Variants in DERA observed in about 807,000 individuals in gnomAD.
DERA encodes 2-deoxy-D-ribose 5-phosphate aldolase.
In DERA, 15 loss-of-function variants were observed where a neutral mutation model predicts 41.1. The ratio of observed to expected loss-of-function variants is 0.37; its 90% CI spans 0.24 to 0.56. The LOEUF is 0.56. Among genes scored for constraint, DERA ranks in the 20% least tolerant of loss-of-function variants. DERA has a pLI of 0.81. For missense variants in DERA, 396 were observed against 403.4 expected (o/e 0.98, Z 0.16); for synonymous variants, 139 against 137.4 (o/e 1.01, Z -0.08).
In DERA at chr12:15,915,961, G is replaced by A. The variant is rs768646233; in HGVS notation, c.31+4547G>A. On this transcript the variant is annotated intron_variant, in intron 1 of 8. Transcript: ENST00000428559. This position sits in a 1 kb window ranked among gnomAD's most constrained non-coding sequence, Gnocchi z 4.8. The stretch of plus-strand genomic sequence containing the variant: ...CATGCTTAAACAACCACACTGTGTC[G>A]ACTGGTGCTAACTGGGAGCACTACA... Among the ~76,000 whole-genome samples, 7 of 152,180 alleles carry A rather than the reference G, an allele frequency of 4.6e-5. No homozygotes were observed. The highest frequency in any genetic ancestry group is 3.8e-4 in the East Asian group (2 of 5,204).
At chr12:16,024,335 T>C (rs1949039202) in intron 6 of DERA, among the ~76,000 whole-genome samples, 1 of 152,140 alleles carries the variant, frequency 6.6e-6, no homozygotes, top group Admixed American at 6.5e-5. Flanking sequence ...ATTTAAAAAC[T>C]GTGCACCTAG....
At chr12:15,920,213 C>T (rs1236867620) in intron 1 of DERA, among the ~76,000 whole-genome samples, 2 of 152,130 alleles carry the variant, frequency 1.3e-5, no homozygotes, top group East Asian at 3.8e-4. Flanking sequence ...AGTGTCCACA[C>T]TTATAAGGCT....
chr12:15,973,608 ATTAC>A (rs1013438841), intron 5 of DERA, among the ~76,000 whole-genome samples: 6 of 152,206 alleles, frequency 3.9e-5, no homozygotes, highest in African/African-American at 1.2e-4. Flanking sequence ...TTACTGAAGT[ATTAC>A]TTATAATAGC....
In DERA at chr12:15,996,987, C is replaced by A. The variant is rs1164191063; in HGVS notation, c.637+14551C>A. Among the ~76,000 whole-genome samples, 1 of 152,104 alleles carries A rather than the reference C, an allele frequency of 6.6e-6. No homozygotes were observed. The highest frequency in any genetic ancestry group is 1.5e-5 in the Non-Finnish European group (1 of 68,010). The stretch of plus-strand genomic sequence containing the variant: ...GATAAATTTGCTTATGAGCAAGAGA[C>A]AGATACTAACAGTAGAAGGAAATAC... On this transcript the variant is annotated intron_variant, in intron 6 of 8. Transcript: ENST00000428559. The surrounding 1 kb of genome is among the most constrained non-coding windows in gnomAD (Gnocchi z 4.7).
At position 15,913,627 on chromosome 12, in the gene DERA, G is replaced by A. The variant is rs186544172; in HGVS notation, c.31+2213G>A. ...TAATATTATTACTAGTCCAATCACT[G>A]TTATTTATGATTTGGTGTATGTACT... is the stretch of plus-strand genomic sequence containing the variant. On this transcript the variant is annotated intron_variant, in intron 1 of 8. Coordinates refer to ENST00000428559, the MANE Select transcript of DERA (RefSeq NM_015954.4). The surrounding 1 kb of genome is among the most constrained non-coding windows in gnomAD (Gnocchi z 4.5). 6.6e-6 allele frequency among the ~76,000 whole-genome samples: 1 copy of A among 152,248 alleles called. No individual in the cohort carries two copies. The highest frequency in any genetic ancestry group is 6.5e-5 in the Admixed American group (1 of 15,300).
rs970429070 is a variant in DERA, at chr12:15,966,745, G to A, written c.508+3798G>A. Among the ~76,000 whole-genome samples, 1 of 151,920 alleles carries A rather than the reference G, an allele frequency of 6.6e-6. No individual in the cohort carries two copies. The highest frequency in any genetic ancestry group is 6.6e-5 in the Admixed American group (1 of 15,254). ...CTCCTTCACCTCCTCTGTCATCCCT[G>A]AAGTGTCCATGTTTCTCAGAATCTG... On this transcript the variant is annotated intron_variant, in intron 5 of 8. Transcript: ENST00000428559. The surrounding 1 kb of genome is among the most constrained non-coding windows in gnomAD (Gnocchi z 5.1).
In DERA at chr12:16,001,218, G is replaced by A. The variant is rs1948872510; in HGVS notation, c.637+18782G>A. ...ACCACCACGGCACACGTACACCTAT[G>A]TAACAAACCTGCACATTCTGCACAT... On this transcript the variant is annotated intron_variant, in intron 6 of 8. Coordinates refer to ENST00000428559, the MANE Select transcript of DERA (RefSeq NM_015954.4). This position sits in a 1 kb window ranked among gnomAD's most constrained non-coding sequence, Gnocchi z 4.1. Among the ~76,000 whole-genome samples, 1 of 152,144 alleles carries A rather than the reference G, an allele frequency of 6.6e-6. No homozygotes were observed. Among genetic ancestry groups the A allele is most frequent in the African/African-American group, 2.4e-5 (1 of 41,414 alleles).
Position 15,996,262 on chromosome 12 carries a change from T to G in DERA, c.637+13826T>G, listed in dbSNP as rs1264440164. 6.7e-6 allele frequency among the ~76,000 whole-genome samples: 1 copy of G among 150,328 alleles called. No individual in the cohort carries two copies. On this transcript the variant is annotated intron_variant, in intron 6 of 8. Coordinates refer to ENST00000428559, the MANE Select transcript of DERA (RefSeq NM_015954.4). This position sits in a 1 kb window ranked among gnomAD's most constrained non-coding sequence, Gnocchi z 4.7. ...TATAGAAAACATGGGAAAAGAGGAG[T>G]GTATTAGTTTCTTGGGCTCGCTGTA...
rs1948877583 is a variant in DERA at position 16,001,920 on chromosome 12, T to C, written c.637+19484T>C. Among the ~76,000 whole-genome samples, 1 of 152,332 alleles carries C rather than the reference T, an allele frequency of 6.6e-6. No individual in the cohort carries two copies. The highest frequency in any genetic ancestry group is 6.5e-5 in the Admixed American group (1 of 15,296). Reference sequence around the variant, plus strand: ...CTTTTCAGACAAAATACTGCTTTCTTTGCCTAATCAAGTAAAGTTAGGATA... The same window carrying C: ...CTTTTCAGACAAAATACTGCTTTCTCTGCCTAATCAAGTAAAGTTAGGATA... On this transcript the variant is annotated intron_variant, in intron 6 of 8. Transcript: ENST00000428559. The surrounding 1 kb of genome is among the most constrained non-coding windows in gnomAD (Gnocchi z 4.1).
intron 1 of DERA, among the ~76,000 whole-genome samples, chr12:15,949,410 C>T (rs1036459150): frequency 1.3e-5 from 2 of 152,132 alleles, no homozygotes; most frequent in African/African-American, 2.4e-5. Context: ...AGGCACCCCT[C>T]CCCCAGCCTC....
chr12:15,912,967 G>T (rs1012575019), intron 1 of DERA, among the ~76,000 whole-genome samples: 1 of 152,118 alleles, frequency 6.6e-6, no homozygotes, highest in Non-Finnish European at 1.5e-5. Flanking sequence ...AGTAATAACG[G>T]CATTATTTCT....
At chr12:15,960,653 A>C (rs931402626) in intron 4 of DERA, among the ~76,000 whole-genome samples, 5 of 150,704 alleles carry the variant, frequency 3.3e-5, no homozygotes, top group South Asian at 2.1e-4. Flanking sequence ...AAAAAAAAAA[A>C]AAAAAAAAAA....
intron 6 of DERA, among the ~76,000 whole-genome samples, chr12:16,030,223 C>T (rs189189032): frequency 2.0e-5 from 3 of 152,000 alleles, no homozygotes; most frequent in East Asian, 1.9e-4. Context: ...TGAGCCACCA[C>T]GTCCAGCCAG....
intron 1 of DERA, among the ~76,000 whole-genome samples, chr12:15,945,158 T>A (rs1948437601): frequency 6.6e-6 from 1 of 152,202 alleles, no homozygotes; most frequent in Non-Finnish European, 1.5e-5. Flanking sequence ...TGAAGTCAGG[T>A]AGCGTGATAC....
chr12:15,971,372 A>T (rs1443452916), intron 5 of DERA, among the ~76,000 whole-genome samples: 2 of 152,166 alleles, frequency 1.3e-5, no homozygotes, highest in African/African-American at 2.4e-5. Flanking sequence ...CTGGAGGTGG[A>T]ATAGCAAATG....
chr12:15,966,237 C>T lies in DERA; in HGVS notation c.508+3290C>T, dbSNP rs1193257288. On this transcript the variant is annotated intron_variant, in intron 5 of 8. Transcript: ENST00000428559. The surrounding 1 kb of genome is among the most constrained non-coding windows in gnomAD (Gnocchi z 5.1). ...GCAGCAACGCTCTGGAGTGAGGCGTCCTCCTCACTTGAGGTTGGGAGTTTG... is the reference window on the plus strand; with the variant it reads ...GCAGCAACGCTCTGGAGTGAGGCGTTCTCCTCACTTGAGGTTGGGAGTTTG... Among the ~76,000 whole-genome samples, 2 of 152,148 alleles carry T rather than the reference C, an allele frequency of 1.3e-5. No homozygotes were observed. The highest frequency in any genetic ancestry group is 2.1e-4 in the South Asian group (1 of 4,824).
chr12:15,949,812 G>T (rs567123329), intron 1 of DERA, among the ~76,000 whole-genome samples: 46 of 152,330 alleles, frequency 3.0e-4, no homozygotes, highest in African/African-American at 1.0e-3. Flanking sequence ...CTGTAGACTG[G>T]AGCTGTTCCT....
chr12:15,948,321 C>G (rs949071077), intron 1 of DERA, among the ~76,000 whole-genome samples: 1 of 152,192 alleles, frequency 6.6e-6, no homozygotes, highest in Non-Finnish European at 1.5e-5. Context: ...TCCATTCTCC[C>G]CATCACTTTC....
At position 16,032,587 on chromosome 12, in the gene DERA, C is replaced by T; in HGVS notation, c.683C>T (p.Ala228Val). The T allele has an allele frequency of 3.2e-6, 5 of 1,564,816 alleles. No homozygotes were observed. The highest frequency in any genetic ancestry group is 4.3e-6 in the Non-Finnish European group (5 of 1,154,412). ...KTSTGKETVN[A>V]TFPVAIVMLR... ...TCTACTGGAAAAGAAACAGTAAATGCCACCTTCCCGGTAGCTATAGTAATG... is the reference window on the plus strand; with the variant it reads ...TCTACTGGAAAAGAAACAGTAAATGTCACCTTCCCGGTAGCTATAGTAATG... Residue 228 changes from alanine to valine, a missense_variant, in exon 7 of 9, where the codon GCC (alanine) becomes GTC (valine). Coordinates refer to ENST00000428559, the MANE Select transcript of DERA (RefSeq NM_015954.4).
Sources: allele counts gnomAD v4.1 joint callset (sites outside exome capture counted in the v4.1 genomes callset), GRCh38; gene constraint gnomAD v4.1.1; non-coding constraint Gnocchi (gnomAD v3.1); transcripts MANE v1.5; gene names NCBI Gene and HGNC (gene_info 2026-07-23, HGNC 2026-07-21).